The following TMEM132D variants were observed in gnomAD, a reference collection of about 807,000 sequenced individuals.
TMEM132D encodes the protein mature OL transmembrane protein.
A neutral mutation model predicts 62.3 loss-of-function variants in TMEM132D; 21 were observed. That is an observed-to-expected ratio of 0.34 (90% CI 0.24 to 0.49). The LOEUF (loss-of-function observed/expected upper bound fraction) is 0.49. Ranked by LOEUF, TMEM132D falls within the 20% of genes least tolerant of loss-of-function variation. The pLI is 0.99. For synonymous variants in TMEM132D, 621 were observed against 575.6 expected, an observed-to-expected ratio of 1.08 and a Z score of -1.13; for missense variants, 1,346 against 1,402.8, an observed-to-expected ratio of 0.96 and a Z score of 0.65.
intron 2 of TMEM132D, among the ~76,000 whole-genome samples, chr12:129,672,607 G>A (rs1272435748): frequency 6.6e-6 from 1 of 152,186 alleles, no homozygotes; most frequent in East Asian, 1.9e-4. Context: ...ACTGGTGCAA[G>A]GTAGGTCAGT....
At chr12:129,673,186 A>G (rs1387727959) in intron 2 of TMEM132D, among the ~76,000 whole-genome samples, 1 of 149,740 alleles carries the variant, frequency 6.7e-6, no homozygotes, top group East Asian at 1.9e-4. Flanking sequence ...CGCCCTAGCA[A>G]CCATGAATCG....
intron 4 of TMEM132D, among the ~76,000 whole-genome samples, chr12:129,302,715 C>G (rs1566026844): frequency 6.6e-6 from 1 of 152,222 alleles, no homozygotes; most frequent in South Asian, 2.1e-4. Context: ...GAAAACCTAA[C>G]CCCATAAGCA....
At chr12:129,398,373 G>A (rs1233843628) in intron 3 of TMEM132D, among the ~76,000 whole-genome samples, 1 of 152,184 alleles carries the variant, frequency 6.6e-6, no homozygotes, top group Non-Finnish European at 1.5e-5. Flanking sequence ...TCACTTGATT[G>A]TGTCTAAAAC....
At chr12:129,530,489 G>T (rs1157860334) in intron 3 of TMEM132D, among the ~76,000 whole-genome samples, 2 of 152,134 alleles carry the variant, frequency 1.3e-5, no homozygotes, top group Non-Finnish European at 2.9e-5. Context: ...TGAATTGATT[G>T]TTTCTAATTT....
chr12:129,525,003 G>A (rs1875978290), intron 3 of TMEM132D, among the ~76,000 whole-genome samples: 2 of 119,664 alleles, frequency 1.7e-5, no homozygotes, highest in Non-Finnish European at 3.2e-5. Context: ...TTGGCTCACT[G>A]CAAGCTCCGC....
At chr12:129,707,334 GA>G (rs1173330039) in intron 1 of TMEM132D, among the ~76,000 whole-genome samples, 3 of 140,728 alleles carry the variant, frequency 2.1e-5, no homozygotes, top group Non-Finnish European at 4.5e-5. Context: ...TGTTAAAAAT[GA>G]ACAAATCATG....
intron 3 of TMEM132D, among the ~76,000 whole-genome samples, chr12:129,520,836 T>C (rs773310062): frequency 1.2e-4 from 18 of 152,208 alleles, no homozygotes; most frequent in Non-Finnish European, 2.2e-4. Context: ...TCACACAGGT[T>C]TTCTGCCTGT....
chr12:129,286,818 C>T (rs1881311038), intron 4 of TMEM132D, among the ~76,000 whole-genome samples: 1 of 152,124 alleles, frequency 6.6e-6, no homozygotes, highest in Admixed American at 6.5e-5. Context: ...GAGGCCAAGG[C>T]AGGTGGATGG....
At chr12:129,200,762 G>C (rs1878683774) in intron 5 of TMEM132D, among the ~76,000 whole-genome samples, 1 of 152,212 alleles carries the variant, frequency 6.6e-6, no homozygotes, top group African/African-American at 2.4e-5. Flanking sequence ...GCTGGAAGAG[G>C]AGCCAGGCCA....
At chr12:129,563,994 T>C (rs1302422199) in intron 2 of TMEM132D, among the ~76,000 whole-genome samples, 2 of 152,204 alleles carry the variant, frequency 1.3e-5, no homozygotes, top group African/African-American at 4.8e-5. Flanking sequence ...GCAGCTTCTA[T>C]TTCTGAAGAT....
At chr12:129,167,846 A>C (rs12580490) in intron 5 of TMEM132D, among the ~76,000 whole-genome samples, 64,908 of 151,870 alleles carry the variant, frequency 0.43, 16,413 homozygotes, top group African/African-American at 0.7. Context: ...CCAGGAAGTG[A>C]AAAGAACCAC....
At chr12:129,080,009 T>C (rs1874401559) in intron 7 of TMEM132D, among the ~76,000 whole-genome samples, 1 of 152,190 alleles carries the variant, frequency 6.6e-6, no homozygotes, top group Non-Finnish European at 1.5e-5. Flanking sequence ...AATACCAAAT[T>C]CTCATCTCGC....
chr12:129,870,255 T>C (rs1472868847), intron 1 of TMEM132D, among the ~76,000 whole-genome samples: 2 of 152,120 alleles, frequency 1.3e-5, no homozygotes, highest in Non-Finnish European at 2.9e-5. Context: ...GGTGCTGAGA[T>C]TACAGGCATG....
chr12:129,705,541 T>C (rs999099971), intron 1 of TMEM132D, among the ~76,000 whole-genome samples: 14 of 152,238 alleles, frequency 9.2e-5, no homozygotes, highest in African/African-American at 3.4e-4. Flanking sequence ...AATTATCTAA[T>C]TGAACAATTA....
chr12:129,820,115 A>G (rs891997247), intron 1 of TMEM132D, among the ~76,000 whole-genome samples: 2 of 152,162 alleles, frequency 1.3e-5, no homozygotes, highest in Non-Finnish European at 2.9e-5. Context: ...TCCGCATGGA[A>G]GTTCTCCATC....
At chr12:129,871,543 A>G (rs2137377386) in intron 1 of TMEM132D, among the ~76,000 whole-genome samples, 2 of 152,208 alleles carry the variant, frequency 1.3e-5, no homozygotes, top group East Asian at 3.9e-4. Context: ...TGGTTTCTGA[A>G]AAATACACCA....
chr12:129,445,921 T>G (rs1230384069), intron 3 of TMEM132D, among the ~76,000 whole-genome samples: 1 of 152,142 alleles, frequency 6.6e-6, no homozygotes, highest in African/African-American at 2.4e-5. Flanking sequence ...GTGATGCCGG[T>G]GCAGCAAAGT....
intron 3 of TMEM132D, among the ~76,000 whole-genome samples, chr12:129,516,478 C>T (rs1045675623): frequency 6.6e-6 from 1 of 152,194 alleles, no homozygotes; most frequent in African/African-American, 2.4e-5. Flanking sequence ...GCACATCTTA[C>T]ATGGTGGCAG....
chr12:129,418,809 C>T (rs1337306469), intron 3 of TMEM132D, among the ~76,000 whole-genome samples: 20 of 152,130 alleles, frequency 1.3e-4, no homozygotes, highest in Admixed American at 1.2e-3. Context: ...ATGCTGTATA[C>T]GGGTGGGTTC....
Sources: allele counts gnomAD v4.1 joint callset (sites outside exome capture counted in the v4.1 genomes callset), GRCh38; gene constraint gnomAD v4.1.1; transcripts MANE v1.5; gene names NCBI Gene and HGNC (gene_info 2026-07-23, HGNC 2026-07-21).